EXOC6: variants seen among roughly 807,000 people sequenced by gnomAD.
EXOC6 encodes the protein SEC15-like 1.
In EXOC6, 60 loss-of-function variants were observed where a neutral mutation model predicts 112.5. That is an observed-to-expected ratio of 0.53 (90% CI 0.43 to 0.66). The LOEUF (loss-of-function observed/expected upper bound fraction) is 0.66, where lower values mean the gene tolerates loss of function less well. EXOC6 is among the 30% of genes least tolerant of loss of function. The probability of loss-of-function intolerance (pLI) is 0.00; values close to 1 mark genes in which losing one functional copy is unlikely to be tolerated. For synonymous variants in EXOC6, 295 were observed against 308.0 expected (o/e 0.96, Z 0.44); for missense variants, 855 against 957.1 (o/e 0.89, Z 1.41).
intron 6 of EXOC6, among the ~76,000 whole-genome samples, chr10:92,914,526 T>TA (rs1850976487): frequency 1.3e-5 from 2 of 152,330 alleles, no homozygotes; most frequent in Non-Finnish European, 2.9e-5. Context: ...GTGCATAACA[T>TA]AATTGGGAAA....
intron 18 of EXOC6, among the ~76,000 whole-genome samples, chr10:92,992,275 A>G (rs1233481825): frequency 1.4e-5 from 2 of 141,882 alleles, no homozygotes; most frequent in Non-Finnish European, 3.0e-5. Context: ...GTGAAAGATC[A>G]AGACTCTGTC....
At chr10:92,960,406 C>G (rs2049005662) in intron 17 of EXOC6, among the ~76,000 whole-genome samples, 1 of 152,072 alleles carries the variant, frequency 6.6e-6, no homozygotes, top group Non-Finnish European at 1.5e-5. Context: ...GGCAGTGAGA[C>G]TATTGCTCTA....
upstream of EXOC6, chr10:92,831,406 G>A (rs1846475022): frequency 2.8e-6 from 3 of 1,087,788 alleles, no homozygotes; most frequent in East Asian, 1.2e-4. Context: ...TTAGAGTATA[G>A]TATTCTTCTA....
At chr10:92,983,417 A>G (rs1262807988) in intron 18 of EXOC6, among the ~76,000 whole-genome samples, 1 of 152,070 alleles carries the variant, frequency 6.6e-6, no homozygotes, top group African/African-American at 2.4e-5. Context: ...ATACAAAAGT[A>G]CAAGTAGCAA....
At chr10:92,847,145 A>T (rs1374379564), upstream of EXOC6, among the ~76,000 whole-genome samples, 4 of 152,238 alleles carry the variant, frequency 2.6e-5, no homozygotes, top group Non-Finnish European at 1.5e-5. Flanking sequence ...CTTCTAACGT[A>T]CAGAACTGTA....
At chr10:92,894,908 T>G (rs756501321) in intron 3 of EXOC6, 22 bp from the exon 4 acceptor site, 2 of 1,605,640 alleles carry the variant, frequency 1.2e-6, no homozygotes, top group South Asian at 1.1e-5. Context: ...TTTAAAAATA[T>G]GAACATTCCT....
In EXOC6 at chr10:92,980,894, G is replaced by A. The variant is rs1842802509; in HGVS notation, c.1953+6662G>A. ...ATCATTGTTTTAGCTGGGCATGGTGGCGGGCACCTGTAATTCCAGCTACTC... is the reference window on the plus strand; with the variant it reads ...ATCATTGTTTTAGCTGGGCATGGTGACGGGCACCTGTAATTCCAGCTACTC... On this transcript the variant is annotated intron_variant, in intron 18 of 21. Coordinates refer to ENST00000260762, the MANE Select transcript of EXOC6 (RefSeq NM_019053.6). 6.6e-5 allele frequency among the ~76,000 whole-genome samples: 10 copies of A among 152,128 alleles called. No individual in the cohort carries two copies. In the South Asian group the frequency reaches 2.1e-3, roughly 32 times the overall value.
chr10:92,878,769 A>G lies in EXOC6; in HGVS notation c.102-14580A>G, dbSNP rs114330326. Among the ~76,000 whole-genome samples the G allele has an allele frequency of 6.4e-3, 974 of 152,172 alleles. 17 individuals carry two copies. Among genetic ancestry groups the G allele is most frequent in the African/African-American group, 0.022 (926 of 41,510 alleles). ...TGCCTATCTACCTGTAACAATGACAAATGTGTTGTTTTTTTAAGCCAGGTT... is the reference window on the plus strand; with the variant it reads ...TGCCTATCTACCTGTAACAATGACAGATGTGTTGTTTTTTTAAGCCAGGTT... On this transcript the variant is annotated intron_variant, in intron 1 of 21. Coordinates refer to ENST00000260762, the MANE Select transcript of EXOC6 (RefSeq NM_019053.6).
chr10:92,970,669 C>T (rs1431806436), intron 17 of EXOC6, among the ~76,000 whole-genome samples: 5 of 152,228 alleles, frequency 3.3e-5, no homozygotes, highest in African/African-American at 1.2e-4. Context: ...AGGGGAAGCT[C>T]TGTTGAACTC....
chr10:92,831,123 T>G (rs1846467892), upstream of EXOC6, among the ~76,000 whole-genome samples: 1 of 152,026 alleles, frequency 6.6e-6, no homozygotes, highest in South Asian at 2.1e-4. Flanking sequence ...AGGAAGTTGT[T>G]GCCCGTGTCT....
chr10:92,926,686 A>ACCAT (rs1344436232), intron 8 of EXOC6, among the ~76,000 whole-genome samples: 1 of 152,074 alleles, frequency 6.6e-6, no homozygotes, highest in Non-Finnish European at 1.5e-5. Flanking sequence ...GGCACGTACC[A>ACCAT]CCATGCCTTG....
chr10:92,958,733 C>T (rs1348933963), intron 17 of EXOC6, among the ~76,000 whole-genome samples: 1 of 152,140 alleles, frequency 6.6e-6, no homozygotes, highest in African/African-American at 2.4e-5. Flanking sequence ...CCCAGAAGAA[C>T]CAACAGAGTA....
intron 1 of EXOC6, among the ~76,000 whole-genome samples, chr10:92,852,731 A>G (rs1171592654): frequency 1.3e-5 from 2 of 152,196 alleles, no homozygotes; most frequent in South Asian, 2.1e-4. Context: ...TCCTGATTTT[A>G]AAAACCCTCA....
chr10:92,961,569 A>C (rs988049374), intron 17 of EXOC6, among the ~76,000 whole-genome samples: 6 of 152,208 alleles, frequency 3.9e-5, no homozygotes, highest in African/African-American at 9.6e-5. Flanking sequence ...TAAATAAGGG[A>C]CATGCTACTT....
chr10:93,040,618 A>G (rs893802758), intron 20 of EXOC6, among the ~76,000 whole-genome samples: 30 of 152,268 alleles, frequency 2.0e-4, no homozygotes, highest in African/African-American at 6.5e-4. Flanking sequence ...TGCATCCTTA[A>G]AAGAGTGGTT....
At chr10:92,917,074 C>T (rs763605128) in intron 7 of EXOC6, among the ~76,000 whole-genome samples, 2 of 151,914 alleles carry the variant, frequency 1.3e-5, no homozygotes, top group Non-Finnish European at 2.9e-5. Context: ...AGCAATTCTC[C>T]TGCCTCAGCC....
chr10:92,936,377 A>G (rs1380632984), intron 12 of EXOC6, among the ~76,000 whole-genome samples: 1 of 152,230 alleles, frequency 6.6e-6, no homozygotes, highest in African/African-American at 2.4e-5. Context: ...TAAATATGAT[A>G]CTTTGTATGA....
At chr10:92,894,891 CTGTT>C (rs977955040) in intron 3 of EXOC6, 35 bp from the exon 4 acceptor site, 14 of 1,605,752 alleles carry the variant, frequency 8.7e-6, no homozygotes, top group East Asian at 4.5e-5. Context: ...TGTTCTTTAA[CTGTT>C]TGTTTAAAAA....
intron 4 of EXOC6, among the ~76,000 whole-genome samples, chr10:92,897,220 C>T (rs1036160478): frequency 2.6e-5 from 4 of 152,126 alleles, no homozygotes; most frequent in African/African-American, 7.2e-5. Context: ...AGAGGTCAGC[C>T]GTTTGTTACT....
Sources: gnomAD v4.1 joint callset for allele counts (sites outside exome capture counted in the v4.1 genomes callset) on GRCh38, gnomAD v4.1.1 for gene constraint, MANE v1.5 for transcripts, NCBI Gene and HGNC (gene_info 2026-07-23, HGNC 2026-07-21) for gene names.